Variants in SH3BP5 observed in about 807,000 individuals in gnomAD.
SH3BP5 encodes SH3 domain-binding protein 5.
SH3BP5 carries 22 observed loss-of-function variants against 43.3 expected under a neutral mutation model. That is an observed-to-expected ratio of 0.51 (90% CI 0.36 to 0.73). The LOEUF (loss-of-function observed/expected upper bound fraction) is 0.73. Ranked by LOEUF, SH3BP5 falls within the 30% of genes least tolerant of loss-of-function variation. The pLI is 0.00. For missense variants in SH3BP5, 529 were observed against 586.9 expected (o/e 0.90, Z 1.02); for synonymous variants, 255 against 225.8 (o/e 1.13, Z -1.16).
At chr3:15,301,863 G>C (rs777523239) in intron 3 of SH3BP5, among the ~76,000 whole-genome samples, 8 of 151,932 alleles carry the variant, frequency 5.3e-5, no homozygotes, top group Admixed American at 6.6e-5. Flanking sequence ...TGAGCTCAGG[G>C]ACCAGACAAG....
chr3:15,256,575 C>G, intron 8 of SH3BP5: 1 of 592,588 alleles, frequency 1.7e-6, no homozygotes, highest in Non-Finnish European at 3.0e-6. Context: ...CACTTTATTG[C>G]TGAGAAACAA....
rs1696157093 is a variant in SH3BP5 at position 15,255,351 on chromosome 3, GCTTATGCTGTAGAACCTTC to G, written c.*716_*734del. 1 of 152,488 alleles carries G rather than the reference GCTTATGCTGTAGAACCTTC, an allele frequency of 6.6e-6. No individual in the cohort carries two copies. The highest frequency in any genetic ancestry group is 6.5e-5 in the Admixed American group (1 of 15,276). 9.4% of individuals were successfully genotyped at this position (152,488 alleles called of 1,614,324 possible). ...AAATCCCCTTGGCTGGCAGGATAAGGCTTATGCTGTAGAACCTTCTCCCCCACAGCCACAAATCCCCTTC... is the reference window on the plus strand; with the variant it reads ...AAATCCCCTTGGCTGGCAGGATAAGGTCCCCCACAGCCACAAATCCCCTTC... On this transcript the variant is annotated 3_prime_UTR_variant, in exon 9 of 9. Transcript: ENST00000383791.
At chr3:15,291,705 T>C (rs1157282707) in intron 3 of SH3BP5, among the ~76,000 whole-genome samples, 3 of 152,186 alleles carry the variant, frequency 2.0e-5, no homozygotes, top group Non-Finnish European at 4.4e-5. Flanking sequence ...CACAGCATGA[T>C]GAACCCTGAG....
intron 2 of SH3BP5, among the ~76,000 whole-genome samples, chr3:15,308,512 C>G (rs1697970872): frequency 6.6e-6 from 1 of 152,106 alleles, no homozygotes; most frequent in African/African-American, 2.4e-5. Flanking sequence ...GCCACCCAAC[C>G]CAAGTCAGAC....
chr3:15,265,760 G>A (rs962488815), intron 4 of SH3BP5, among the ~76,000 whole-genome samples: 10 of 151,998 alleles, frequency 6.6e-5, no homozygotes, highest in African/African-American at 2.2e-4. Context: ...CGGCTCAGGG[G>A]TAGGTGTGGC....
intron 4 of SH3BP5, 34 bp downstream of exon 4, chr3:15,269,679 A>C (rs767987327): frequency 2.7e-6 from 4 of 1,500,852 alleles, no homozygotes; most frequent in Non-Finnish European, 3.6e-6. Context: ...ATGCACGCGC[A>C]CACCCCCACA....
chr3:15,290,017 G>A (rs1393560781), intron 3 of SH3BP5, among the ~76,000 whole-genome samples: 1 of 152,176 alleles, frequency 6.6e-6, no homozygotes, highest in African/African-American at 2.4e-5. Context: ...ACTTTCTCTG[G>A]GGTGTGGTGC....
intron 4 of SH3BP5, among the ~76,000 whole-genome samples, chr3:15,263,970 C>T (rs760731493): frequency 2.6e-5 from 4 of 152,122 alleles, no homozygotes; most frequent in South Asian, 4.2e-4. Context: ...TCTCAGACCC[C>T]GTAGAACAAT....
rs1696178581 is a variant in SH3BP5, at chr3:15,255,947, C to T, written c.*139G>A. ...TTACCCAGAAGAACAATCTTTAGCC[C>T]TCAAGGTCACTGAAACTTCATTAGA... is the stretch of plus-strand genomic sequence containing the variant. On this transcript the variant is annotated 3_prime_UTR_variant, in exon 9 of 9. Transcript: ENST00000383791. The T allele has an allele frequency of 3.9e-6, 3 of 760,670 alleles. No individual in the cohort carries two copies. The highest frequency in any genetic ancestry group is 2.5e-5 in the East Asian group (1 of 40,476). The allele number at this position is 760,670 out of a possible 1,614,324, so 47.1% of individuals were successfully genotyped here.
chr3:15,328,419 T>A (rs766356562), intron 2 of SH3BP5, among the ~76,000 whole-genome samples: 1,664 of 140,280 alleles, frequency 0.012, 28 homozygotes, highest in Non-Finnish European at 0.014. Context: ...TCAATGCTTT[T>A]AAAAAAAAAA....
chr3:15,331,063 T>C (rs1364855416), intron 1 of SH3BP5, among the ~76,000 whole-genome samples: 1 of 152,234 alleles, frequency 6.6e-6, no homozygotes, highest in Non-Finnish European at 1.5e-5. Flanking sequence ...TTATTCAACC[T>C]ACTTAGCTGG....
intron 2 of SH3BP5, among the ~76,000 whole-genome samples, chr3:15,314,749 T>C (rs1351458542): frequency 4.6e-5 from 7 of 152,134 alleles, no homozygotes; most frequent in Admixed American, 2.6e-4. Context: ...AGGAAGAATA[T>C]ACTAGGATCT....
At chr3:15,259,281 C>A (rs927069446) in intron 6 of SH3BP5, 2 of 590,644 alleles carry the variant, frequency 3.4e-6, no homozygotes, top group Admixed American at 3.0e-5. Context: ...CAAAAACTCT[C>A]ACTGGTGGAA....
In SH3BP5 at chr3:15,330,545, G is replaced by A; in HGVS notation, c.160C>T (p.Gln54Ter). The A allele has an allele frequency of 6.2e-7, 1 of 1,608,618 alleles. No homozygotes were observed. The highest frequency in any genetic ancestry group is 8.5e-7 in the Non-Finnish European group (1 of 1,178,152). Residue 54 changes from glutamine to a stop codon, truncating the protein, a stop_gained, in exon 2 of 9, where the codon CAG (glutamine) becomes TAG (stop). Transcript: ENST00000383791. LOFTEE classifies it high-confidence loss of function. Reference protein sequence around the residue: ...RIQGELEKLNQSTDDINRRET... With the variant: ...RIQGELEKLN ...CGTCTGTTGATATCATCCGTGGACT[G>A]ATTTAACTTCTCCAGTTCTCCCTGG...
At chr3:15,266,713 C>T (rs1239767757) in intron 4 of SH3BP5, among the ~76,000 whole-genome samples, 1 of 152,232 alleles carries the variant, frequency 6.6e-6, no homozygotes, top group Non-Finnish European at 1.5e-5. Context: ...CCAGAGTCCT[C>T]ATCAACCCCA....
intron 2 of SH3BP5, among the ~76,000 whole-genome samples, chr3:15,323,127 C>CAAATTAAATAAAT (rs1553620114): frequency 6.8e-6 from 1 of 146,074 alleles, no homozygotes; most frequent in African/African-American, 2.6e-5. Context: ...GACCCTGTCT[C>CAAATTAAATAAAT]AAATAAATAA....
chr3:15,307,613 A>AT (rs1309372553), intron 2 of SH3BP5, among the ~76,000 whole-genome samples: 17 of 152,256 alleles, frequency 1.1e-4, no homozygotes, highest in East Asian at 1.9e-4. Context: ...AATGCATACA[A>AT]TTTTTTTCCT....
At chr3:15,289,210 T>C (rs1697343304) in intron 3 of SH3BP5, among the ~76,000 whole-genome samples, 1 of 152,180 alleles carries the variant, frequency 6.6e-6, no homozygotes, top group Non-Finnish European at 1.5e-5. Context: ...GCTTCATCCT[T>C]AAAACAACCT....
chr3:15,281,318 C>T (rs1046260467), intron 3 of SH3BP5, among the ~76,000 whole-genome samples: 69 of 152,158 alleles, frequency 4.5e-4, no homozygotes, highest in African/African-American at 1.6e-3. Context: ...TTGACCAGGA[C>T]AATTGGACCA....
Sources: allele counts gnomAD v4.1 joint callset (sites outside exome capture counted in the v4.1 genomes callset), GRCh38; gene constraint gnomAD v4.1.1; transcripts MANE v1.5; gene names NCBI Gene and HGNC (gene_info 2026-07-23, HGNC 2026-07-21).